The following SSBP3 variants were observed in gnomAD, a reference collection of about 807,000 sequenced individuals.
SSBP3 encodes single-stranded DNA-binding protein 3.
Under a neutral mutation model 69.6 loss-of-function variants are expected in SSBP3, and 5 were observed. The observed-to-expected ratio is 0.07, with a 90% confidence interval of 0.04 to 0.15. The LOEUF is 0.15. Ranked by LOEUF, SSBP3 falls within the 10% of genes least tolerant of loss-of-function variation. SSBP3 has a pLI of 1.00. For missense variants in SSBP3, 312 were observed against 534.0 expected (o/e 0.58, Z 4.10); for synonymous variants, 196 against 193.4 (o/e 1.01, Z -0.11).
intron 4 of SSBP3, among the ~76,000 whole-genome samples, chr1:54,357,416 T>G (rs1296488559): frequency 2.0e-5 from 3 of 151,864 alleles, no homozygotes; most frequent in Non-Finnish European, 4.4e-5. Context: ...AGTGCTTCAG[T>G]AAGTTTTTTG....
chr1:54,349,240 T>C (rs908771159), intron 4 of SSBP3, among the ~76,000 whole-genome samples: 3 of 152,232 alleles, frequency 2.0e-5, no homozygotes, highest in Non-Finnish European at 4.4e-5. Flanking sequence ...ACCAGGTCTC[T>C]GTACCATCCA....
intron 4 of SSBP3, among the ~76,000 whole-genome samples, chr1:54,367,675 C>T (rs1444578036): frequency 4.6e-5 from 7 of 152,132 alleles, no homozygotes; most frequent in Non-Finnish European, 1.0e-4. Context: ...GCTGCCTCTG[C>T]GGCGGGTCCC....
intron 7 of SSBP3, among the ~76,000 whole-genome samples, chr1:54,256,257 C>CTGGATGTGCTGGT (rs1644919809): frequency 6.6e-6 from 1 of 151,966 alleles, no homozygotes; most frequent in Non-Finnish European, 1.5e-5. Context: ...GATGTGCTGG[C>CTGGATGTGCTGGT]GCTTCTGTCA....
At chr1:54,404,744 G>A (rs531227273) in intron 2 of SSBP3, 107 bp from the exon 3 acceptor site, 16 of 1,414,154 alleles carry the variant, frequency 1.1e-5, no homozygotes, top group Admixed American at 3.5e-5. Flanking sequence ...AATGCCAAAA[G>A]GTGATAAAAA....
chr1:54,383,271 G>A (rs1197765545), intron 4 of SSBP3, among the ~76,000 whole-genome samples: 2 of 151,632 alleles, frequency 1.3e-5, no homozygotes, highest in Non-Finnish European at 2.9e-5. Flanking sequence ...CCAGCTACTC[G>A]GGAGGCTGAG....
At chr1:54,318,971 A>G (rs1010748975) in intron 4 of SSBP3, among the ~76,000 whole-genome samples, 5 of 152,092 alleles carry the variant, frequency 3.3e-5, no homozygotes, top group African/African-American at 1.2e-4. Flanking sequence ...TTCCCATTCT[A>G]TGGATGAGCG....
chr1:54,228,790 C>T lies in SSBP3; in HGVS notation c.964G>A (p.Gly322Ser), dbSNP rs1423962975. 50 of 1,611,100 alleles carry T rather than the reference C, an allele frequency of 3.1e-5. No homozygotes were observed. The highest frequency in any genetic ancestry group is 3.7e-5 in the Non-Finnish European group (44 of 1,179,404). Reference sequence around the variant, plus strand: ...TGGTGTGGCTCCATGCCACCCATGCCGCCCATCGGACCGTCCGAGCCGGGA... The same window carrying T: ...TGGTGTGGCTCCATGCCACCCATGCTGCCCATCGGACCGTCCGAGCCGGGA... The change falls in exon 15 of 18, where the codon GGC becomes AGC. Residue 322 changes from glycine to serine, a missense_variant. Physicochemically the swap from Gly to Ser is moderately conservative, Grantham distance 56. This residue lies in a region of SSBP3 where 63 missense variants were observed against 137.2 expected (regional missense o/e 0.46). Coordinates refer to ENST00000610401, the Ensembl canonical transcript of SSBP3.
intron 4 of SSBP3, among the ~76,000 whole-genome samples, chr1:54,307,118 T>C (rs1645914224): frequency 1.3e-5 from 2 of 152,170 alleles, no homozygotes; most frequent in Admixed American, 1.3e-4. Context: ...TCAGTCAGAC[T>C]GTGCTCCCTC....
At chr1:54,308,306 A>T (rs891404845) in intron 4 of SSBP3, among the ~76,000 whole-genome samples, 25 of 152,092 alleles carry the variant, frequency 1.6e-4, no homozygotes, top group Non-Finnish European at 2.9e-4. Flanking sequence ...AAAATACAAA[A>T]ATTAGCCGGG....
intron 7 of SSBP3, among the ~76,000 whole-genome samples, chr1:54,255,147 T>C (rs1042650415): frequency 4.4e-5 from 1 of 22,804 alleles, no homozygotes; most frequent in Non-Finnish European, 9.2e-5. Flanking sequence ...TAGATTTCTA[T>C]TGCGGGGGGG....
chr1:54,369,227 G>GGT (rs1553146739), intron 4 of SSBP3, among the ~76,000 whole-genome samples: 1 of 147,000 alleles, frequency 6.8e-6, no homozygotes, highest in African/African-American at 2.5e-5. Context: ...TCGGGGGGGG[G>GGT]GCCCAAGCCA....
chr1:54,405,865 C>CGGGGGGGGGGGG, intron 1 of SSBP3, 88 bp downstream of exon 1: 1 of 124,440 alleles, frequency 8.0e-6, no homozygotes. Flanking sequence ...CAGCCTCCGG[C>CGGGGGGGGGGGG]CCCCGCCCGC....
At chr1:54,275,538 T>C (rs890551951) in intron 5 of SSBP3, among the ~76,000 whole-genome samples, 1 of 152,236 alleles carries the variant, frequency 6.6e-6, no homozygotes, top group African/African-American at 2.4e-5. Context: ...CTGCCCCAGT[T>C]GCTGCCAGGG....
At chr1:54,228,230 G>T in intron 17 of SSBP3, 25 bp downstream of exon 17, 2 of 1,606,322 alleles carry the variant, frequency 1.2e-6, no homozygotes, top group Non-Finnish European at 1.7e-6. Context: ...GGGGACGAGA[G>T]CAACAGGCAG....
intron 5 of SSBP3, among the ~76,000 whole-genome samples, chr1:54,267,608 C>T (rs1645124446): frequency 6.6e-6 from 1 of 152,184 alleles, no homozygotes; most frequent in African/African-American, 2.4e-5. Flanking sequence ...GGCATTTATG[C>T]AGCCCAAAGG....
chr1:54,404,210 G>A (rs1649524934), intron 3 of SSBP3, among the ~76,000 whole-genome samples: 1 of 151,944 alleles, frequency 6.6e-6, no homozygotes, highest in East Asian at 1.9e-4. Context: ...AAACAGACCT[G>A]GTATCCCCTC....
At chr1:54,374,140 T>G (rs1450619391) in intron 4 of SSBP3, among the ~76,000 whole-genome samples, 1 of 152,208 alleles carries the variant, frequency 6.6e-6, no homozygotes, top group Non-Finnish European at 1.5e-5. Context: ...AGGGCAGCTT[T>G]CTTAGGAGAA....
intron 5 of SSBP3, among the ~76,000 whole-genome samples, chr1:54,275,937 C>T (rs1428316862): frequency 6.6e-6 from 1 of 152,170 alleles, no homozygotes; most frequent in South Asian, 2.1e-4. Context: ...GCAAGTTTCT[C>T]TCCCCTCTTA....
chr1:54,284,936 C>T (rs1253827779), intron 4 of SSBP3, among the ~76,000 whole-genome samples: 2 of 152,110 alleles, frequency 1.3e-5, no homozygotes, highest in Non-Finnish European at 2.9e-5. Context: ...GCCAGGGTCA[C>T]CATGGTTCTA....
Sources: allele counts gnomAD v4.1 joint callset (sites outside exome capture counted in the v4.1 genomes callset), GRCh38; gene constraint gnomAD v4.1.1; regional missense constraint gnomAD v4.1.1; transcripts MANE v1.5; gene names NCBI Gene and HGNC (gene_info 2026-07-23, HGNC 2026-07-21).